The following NECTIN3 variants were observed in gnomAD, a reference collection of about 807,000 sequenced individuals.
The protein encoded by NECTIN3 is nectin cell adhesion molecule 3.
Under a neutral mutation model 49.4 loss-of-function variants are expected in NECTIN3, and 8 were observed. That is an observed-to-expected ratio of 0.16 (90% CI 0.10 to 0.29). The LOEUF is 0.29. NECTIN3 is among the 10% of genes least tolerant of loss of function. The pLI is 1.00. For synonymous variants in NECTIN3, 277 were observed against 241.1 expected (o/e 1.15, Z -1.38); for missense variants, 581 against 654.6 (o/e 0.89, Z 1.23).
At chr3:111,107,283 A>G (rs2033225874) in intron 1 of NECTIN3, among the ~76,000 whole-genome samples, 1 of 152,142 alleles carries the variant, frequency 6.6e-6, no homozygotes, top group African/African-American at 2.4e-5. Flanking sequence ...GACTCCAAAG[A>G]GTTGTGTTTT....
At chr3:111,080,673 T>G (rs1435861282) in intron 1 of NECTIN3, among the ~76,000 whole-genome samples, 2 of 68,838 alleles carry the variant, frequency 2.9e-5, no homozygotes, top group Non-Finnish European at 7.7e-5. Context: ...TCTATATATG[T>G]CATGCAAAAA....
chr3:111,142,565 ATTAC>A (rs1183425078), intron 5 of NECTIN3, among the ~76,000 whole-genome samples: 1 of 151,910 alleles, frequency 6.6e-6, no homozygotes, highest in African/African-American at 2.4e-5. Flanking sequence ...TTAGACAAGC[ATTAC>A]TTCAAGATAT....
At chr3:111,151,077 T>C (rs1424922603) in intron 7 of NECTIN3, among the ~76,000 whole-genome samples, 1 of 151,880 alleles carries the variant, frequency 6.6e-6, no homozygotes, top group East Asian at 1.9e-4. Flanking sequence ...TATTGTTTAG[T>C]ACCATATTCT....
intron 1 of NECTIN3, among the ~76,000 whole-genome samples, chr3:111,098,546 CTG>C (rs1338482751): frequency 6.6e-6 from 1 of 152,190 alleles, no homozygotes; most frequent in Non-Finnish European, 1.5e-5. Context: ...TGACCTCACT[CTG>C]TGTATTTTCT....
At chr3:111,119,002 C>G (rs1370026787) in intron 3 of NECTIN3, 50 bp downstream of exon 3, 2 of 1,436,526 alleles carry the variant, frequency 1.4e-6, no homozygotes, top group South Asian at 2.7e-5. Context: ...GCATGTTTAT[C>G]AAACTATTTT....
chr3:111,187,517 G>A (rs1411954018), upstream of NECTIN3, among the ~76,000 whole-genome samples: 1 of 152,168 alleles, frequency 6.6e-6, no homozygotes, highest in African/African-American at 2.4e-5. Flanking sequence ...GCACATGAAT[G>A]TTTATAGCAG....
chr3:111,175,981 T>A (rs1358362114), intron 7 of NECTIN3, among the ~76,000 whole-genome samples: 1 of 152,224 alleles, frequency 6.6e-6, no homozygotes, highest in Non-Finnish European at 1.5e-5. Flanking sequence ...GTTCCTATCT[T>A]AACAGAGTGA....
At chr3:111,182,596 T>C (rs2035646546) in intron 7 of NECTIN3, among the ~76,000 whole-genome samples, 1 of 152,146 alleles carries the variant, frequency 6.6e-6, no homozygotes, top group Admixed American at 6.5e-5. Context: ...TTTCTGATAA[T>C]TTTATTTGTC....
At chr3:111,163,068 C>G (rs1431551328) in intron 7 of NECTIN3, among the ~76,000 whole-genome samples, 1 of 152,166 alleles carries the variant, frequency 6.6e-6, no homozygotes, top group Non-Finnish European at 1.5e-5. Flanking sequence ...AAGTTACAGT[C>G]AGATGGTGGC....
rs1467004483 is a variant in NECTIN3 at position 111,118,828 on chromosome 3, A to G, written c.675A>G (p.Ala225=). The G allele has an allele frequency of 1.2e-6, 2 of 1,614,064 alleles. No individual in the cohort carries two copies. The highest frequency in any genetic ancestry group is 8.5e-7 in the Non-Finnish European group (1 of 1,180,040). The change falls in exon 3 of 6, where the codon GCA becomes GCG. Residue 225 remains alanine (A), a synonymous_variant. Coordinates refer to ENST00000485303, the MANE Select transcript of NECTIN3 (RefSeq NM_015480.3). ...CAACTTCTTTTCCAAATGAAACGGCAACGATTATCAGCCAGTACAAGCTAT... is the reference window on the plus strand; with the variant it reads ...CAACTTCTTTTCCAAATGAAACGGCGACGATTATCAGCCAGTACAAGCTAT... ...STTTSFPNET[A]TIISQYKLFP... is the part of the protein sequence containing the mutation.
chr3:111,073,519 T>A (rs2107344583), intron 1 of NECTIN3: 2 of 152,434 alleles, frequency 1.3e-5, no homozygotes, highest in South Asian at 4.1e-4. Flanking sequence ...AATTGTACGC[T>A]GTTTCTGTAT....
At chr3:111,082,096 T>G (rs1289471563) in intron 1 of NECTIN3, among the ~76,000 whole-genome samples, 1 of 152,178 alleles carries the variant, frequency 6.6e-6, no homozygotes, top group Non-Finnish European at 1.5e-5. Context: ...ATCTGAGAAG[T>G]AGATGATATG....
chr3:111,191,559 G>T (rs180989688), upstream of NECTIN3, among the ~76,000 whole-genome samples: 1 of 151,560 alleles, frequency 6.6e-6, no homozygotes, highest in Admixed American at 6.6e-5. Context: ...TTCTTAGGGT[G>T]AAGTTTGAAA....
At chr3:111,084,482 G>A (rs978517514) in intron 1 of NECTIN3, among the ~76,000 whole-genome samples, 1 of 152,146 alleles carries the variant, frequency 6.6e-6, no homozygotes, top group Non-Finnish European at 1.5e-5. Flanking sequence ...AAGACTAGCC[G>A]ATAAAGAACA....
intron 4 of NECTIN3, 118 bp downstream of exon 4, chr3:111,122,356 T>A (rs370188344): frequency 0.011 from 7,905 of 733,934 alleles, 58 homozygotes; most frequent in Admixed American, 0.013. Context: ...AAATTTTAAT[T>A]AAATTTTCTG....
At chr3:111,138,096 T>A (rs550770517), downstream of NECTIN3, among the ~76,000 whole-genome samples, 1 of 151,794 alleles carries the variant, frequency 6.6e-6, no homozygotes, top group East Asian at 1.9e-4. Flanking sequence ...AATTAACACA[T>A]TTCATAAGGT....
chr3:111,121,272 C>A (rs1012007320), intron 3 of NECTIN3, among the ~76,000 whole-genome samples: 12 of 151,966 alleles, frequency 7.9e-5, no homozygotes, highest in Non-Finnish European at 1.5e-5. Flanking sequence ...CTCAGCTTCC[C>A]AAAGTGCTGG....
chr3:111,073,157 G>A (rs2030921286), intron 1 of NECTIN3, among the ~76,000 whole-genome samples: 1 of 152,102 alleles, frequency 6.6e-6, no homozygotes, highest in African/African-American at 2.4e-5. Context: ...AGAACACTGC[G>A]AGTAGTTATT....
At position 111,178,619 on chromosome 3, in the gene NECTIN3, G is replaced by A. The variant is rs546472867; in HGVS notation, c.1222-13732G>A. On this transcript the variant is annotated intron_variant, in intron 7 of 8. Transcript: ENST00000493615. ...GCAGGAGGTGAAGTAACTTAGACTC[G>A]TACGGATGACGATAAACCAGAGCAT... 1.4e-4 allele frequency among the ~76,000 whole-genome samples: 21 copies of A among 152,262 alleles called. No individual in the cohort carries two copies. The South Asian group carries it at 1.9e-3, about 14-fold the overall frequency.
Sources: gnomAD v4.1 joint callset for allele counts (sites outside exome capture counted in the v4.1 genomes callset) on GRCh38, gnomAD v4.1.1 for gene constraint, MANE v1.5 for transcripts, NCBI Gene and HGNC (gene_info 2026-07-23, HGNC 2026-07-21) for gene names.